The following TBXAS1 variants were observed in gnomAD, a reference collection of about 807,000 sequenced individuals.
The protein encoded by TBXAS1 is thromboxane A synthase 1.
TBXAS1 carries 48 observed loss-of-function variants against 60.7 expected under a neutral mutation model. The ratio of observed to expected loss-of-function variants is 0.79; its 90% confidence interval spans 0.63 to 1.01. TBXAS1 has a LOEUF of 1.01. TBXAS1 is among the 50% of genes least tolerant of loss of function. TBXAS1 has a pLI of 0.00. For missense variants in TBXAS1, 685 were observed against 686.3 expected, an observed-to-expected ratio of 1.00 and a Z score of 0.02; for synonymous variants, 287 against 269.7, an observed-to-expected ratio of 1.06 and a Z score of -0.63.
chr7:139,791,578 A>G (rs1352259072), intron 4 of TBXAS1, among the ~76,000 whole-genome samples: 1 of 152,134 alleles, frequency 6.6e-6, no homozygotes, highest in Non-Finnish European at 1.5e-5. Context: ...AGTGTCCGTG[A>G]TATATTCGTG....
At chr7:139,908,360 A>G (rs1233392968) in intron 3 of TBXAS1, among the ~76,000 whole-genome samples, 2 of 152,006 alleles carry the variant, frequency 1.3e-5, no homozygotes, top group African/African-American at 4.8e-5. Flanking sequence ...TAGTCATTAC[A>G]TTATATTCAC....
chr7:139,780,480 G>A (rs1453780920), intron 1 of TBXAS1, among the ~76,000 whole-genome samples: 2 of 152,148 alleles, frequency 1.3e-5, no homozygotes, highest in African/African-American at 4.8e-5. Flanking sequence ...ATTGCCTAAC[G>A]CATGGTGAGT....
chr7:139,863,435 A>G (rs1801113173), intron 1 of TBXAS1, among the ~76,000 whole-genome samples: 1 of 152,184 alleles, frequency 6.6e-6, no homozygotes, highest in South Asian at 2.1e-4. Context: ...GCTGTCATTC[A>G]CTAAATCTTG....
chr7:139,828,318 A>G (rs891303131), upstream of TBXAS1, among the ~76,000 whole-genome samples: 4 of 152,176 alleles, frequency 2.6e-5, no homozygotes, highest in Admixed American at 2.6e-4. Context: ...GTGTGTCCAA[A>G]GTTTCCTGAA....
At chr7:139,873,444 G>A (rs1260674270) in intron 2 of TBXAS1, among the ~76,000 whole-genome samples, 5 of 152,334 alleles carry the variant, frequency 3.3e-5, no homozygotes, top group South Asian at 2.1e-4. Flanking sequence ...AAGCCACGAT[G>A]GCTCGGTCTG....
intron 3 of TBXAS1, among the ~76,000 whole-genome samples, chr7:139,905,039 CTTTCTTTCTTTCTT>C (rs1804927844): frequency 5.8e-5 from 5 of 86,514 alleles, no homozygotes; most frequent in African/African-American, 2.9e-4. Flanking sequence ...TTCTTTCTTT[CTTTCTTTCTTTCTT>C]TCTTTCTCTC....
chr7:139,905,005 C>CTTTTTTTCTT (rs1285874660), intron 3 of TBXAS1, among the ~76,000 whole-genome samples: 12 of 90,420 alleles, frequency 1.3e-4, no homozygotes, highest in African/African-American at 4.9e-4. Flanking sequence ...CTCTCTTTCT[C>CTTTTTTTCTT]TCTTTCTTTC....
chr7:139,948,083 T>C (rs1027141599), intron 5 of TBXAS1, among the ~76,000 whole-genome samples: 1 of 152,150 alleles, frequency 6.6e-6, no homozygotes, highest in Admixed American at 6.5e-5. Flanking sequence ...CAGGCTAGTC[T>C]TGAACTCCTG....
intron 4 of TBXAS1, among the ~76,000 whole-genome samples, chr7:139,793,024 A>G (rs1797436107): frequency 6.6e-6 from 1 of 152,194 alleles, no homozygotes; most frequent in Admixed American, 6.5e-5. Flanking sequence ...CAGTTTTTAG[A>G]TATGTAATTG....
intron 1 of TBXAS1, among the ~76,000 whole-genome samples, chr7:139,860,401 A>C (rs78647109): frequency 1.3e-5 from 2 of 152,088 alleles, no homozygotes; most frequent in Non-Finnish European, 2.9e-5. Flanking sequence ...TACATACACT[A>C]TAAGTTGGCG....
At chr7:139,809,724 A>C (rs1167660226) in intron 4 of TBXAS1, among the ~76,000 whole-genome samples, 1 of 152,208 alleles carries the variant, frequency 6.6e-6, no homozygotes, top group Non-Finnish European at 1.5e-5. Context: ...AGGGTGTCCC[A>C]GCTCCGAGAG....
intron 1 of TBXAS1, among the ~76,000 whole-genome samples, chr7:139,842,526 A>C (rs1016908037): frequency 6.6e-6 from 1 of 152,182 alleles, no homozygotes; most frequent in Non-Finnish European, 1.5e-5. Flanking sequence ...CCGGAATAAC[A>C]TGCATCTGGA....
intron 8 of TBXAS1, among the ~76,000 whole-genome samples, chr7:139,959,915 C>A (rs1407883110): frequency 6.6e-6 from 1 of 152,156 alleles, no homozygotes; most frequent in East Asian, 1.9e-4. Context: ...CTGACCCTGC[C>A]CCAGCTCTGC....
chr7:139,875,965 C>T (rs1446096129), intron 3 of TBXAS1: 3 of 406,998 alleles, frequency 7.4e-6, no homozygotes, highest in Non-Finnish European at 1.4e-5. Flanking sequence ...CTCTTTGCCT[C>T]AGAGCACAAA....
intron 9 of TBXAS1, among the ~76,000 whole-genome samples, chr7:139,992,547 C>T (rs1812992517): frequency 6.6e-6 from 1 of 152,222 alleles, no homozygotes; most frequent in Admixed American, 6.5e-5. Context: ...CACTAAAAGC[C>T]ATCAGCTGCA....
At chr7:140,019,233 CA>C (rs1815340163) in intron 12 of TBXAS1, among the ~76,000 whole-genome samples, 1 of 152,222 alleles carries the variant, frequency 6.6e-6, no homozygotes, top group Non-Finnish European at 1.5e-5. Context: ...AACGCATCCA[CA>C]TACTCTGGGC....
chr7:139,978,775 C>CAAAAAAAAAAAA (rs35583867), intron 9 of TBXAS1, among the ~76,000 whole-genome samples: 2 of 90,988 alleles, frequency 2.2e-5, no homozygotes, highest in Non-Finnish European at 4.6e-5. Context: ...CCTGCCTCTA[C>CAAAAAAAAAAAA]AAAAAAAAAA....
intron 1 of TBXAS1, among the ~76,000 whole-genome samples, chr7:139,779,376 A>G (rs1426830232): frequency 6.6e-6 from 1 of 152,070 alleles, no homozygotes; most frequent in East Asian, 1.9e-4. Context: ...CCCATAATCA[A>G]TGCTACACTT....
At chr7:139,790,104 T>C (rs1299586071) in intron 4 of TBXAS1, among the ~76,000 whole-genome samples, 1 of 152,220 alleles carries the variant, frequency 6.6e-6, no homozygotes, top group Non-Finnish European at 1.5e-5. Context: ...CTCCTCTCCA[T>C]ACATTATACA....
Sources: gnomAD v4.1 joint callset for allele counts (sites outside exome capture counted in the v4.1 genomes callset) on GRCh38, gnomAD v4.1.1 for gene constraint, MANE v1.5 for transcripts, NCBI Gene and HGNC (gene_info 2026-07-23, HGNC 2026-07-21) for gene names.